Variants in SUSD4 observed in about 807,000 individuals in gnomAD.
SUSD4 encodes the protein sushi domain containing 4.
Under a neutral mutation model 50.5 loss-of-function variants are expected in SUSD4, and 41 were observed. The ratio of observed to expected loss-of-function variants is 0.81; its 90% CI spans 0.63 to 1.05. SUSD4 has a LOEUF of 1.05. Ranked by LOEUF, SUSD4 falls within the 50% of genes least tolerant of loss-of-function variation. SUSD4 has a pLI of 0.00. For missense variants in SUSD4, 580 were observed against 634.7 expected (o/e 0.91, Z 0.93); for synonymous variants, 257 against 257.3 (o/e 1.00, Z 0.01).
chr1:223,292,476 GC>G lies in SUSD4; in HGVS notation c.323del (p.Gly108AlafsTer36), dbSNP rs1311966482. 1 of 1,614,140 alleles carries G rather than the reference GC, an allele frequency of 6.2e-7. No homozygotes were observed. The highest frequency in any genetic ancestry group is 8.5e-7 in the Non-Finnish European group (1 of 1,180,012). On this transcript the variant is annotated frameshift_variant, in exon 3 of 9. Transcript: ENST00000366878. LOFTEE classifies it high-confidence loss of function. ...AGATGGAATTATCACTTGGGATCCA[GC>G]CTAGGGTTCCATTAAAATGCTTCAA... Reference protein sequence around the residue: ...LCLKHFNGTLGWIPSDNSICV... With the variant: ...LCLKHFNGTLXWIPSDNSICV...
chr1:223,271,515 C>G (rs1202655616), intron 3 of SUSD4, among the ~76,000 whole-genome samples: 1 of 152,126 alleles, frequency 6.6e-6, no homozygotes, highest in Non-Finnish European at 1.5e-5. Flanking sequence ...GGCCAATTTA[C>G]TATGTGGGAG....
intron 2 of SUSD4, among the ~76,000 whole-genome samples, chr1:223,327,219 G>T (rs146932346): frequency 6.6e-6 from 1 of 152,302 alleles, no homozygotes; most frequent in East Asian, 1.9e-4. Flanking sequence ...TCTAACTGAA[G>T]TAAGACAGCA....
Position 223,363,440 on chromosome 1 carries a change from G to A in SUSD4, c.-15C>T, listed in dbSNP as rs374178534. 3 of 1,531,790 alleles carry A rather than the reference G, an allele frequency of 2.0e-6. No individual in the cohort carries two copies. Among genetic ancestry groups the A allele is most frequent in the East Asian group, 2.5e-5 (1 of 40,684 alleles). 94.9% of individuals were successfully genotyped at this position (1,531,790 alleles called of 1,614,324 possible). On this transcript the variant is annotated 5_prime_UTR_variant, in exon 2 of 9. Coordinates refer to ENST00000366878, the MANE Select transcript of SUSD4 (RefSeq NM_017982.4). ...CCATGATACATCTTTCATCCACAGA[G>A]GGCATCCAGCTTGCAAGAGTCTGCA...
At position 223,227,727 on chromosome 1, in the gene SUSD4, G is replaced by C; in HGVS notation, c.928C>G (p.Pro310Ala). Residue 310 changes from proline (P) to alanine (A), a missense_variant, in exon 7 of 9, where the codon CCC (proline) becomes GCC (alanine). Pro to Ala is a conservative substitution (Grantham distance 27). Coordinates refer to ENST00000366878, the MANE Select transcript of SUSD4 (RefSeq NM_017982.4). This position sits in a 1 kb window ranked among gnomAD's most constrained non-coding sequence, Gnocchi z 4.5. ...VYCIKSEQTW[P>A]STHETLLTTW... The stretch of plus-strand genomic sequence containing the variant: ...GTCAGGAGGGTCTCATGGGTGCTGG[G>C]CCACGTTTGCTCTGCATGAGGGAGA... 4.3e-6 allele frequency: 7 copies of C among 1,611,948 alleles called. No individual in the cohort carries two copies. Among genetic ancestry groups the C allele is most frequent in the Non-Finnish European group, 5.1e-6 (6 of 1,179,078 alleles).
chr1:223,273,640 G>A lies in SUSD4; in HGVS notation c.362-4965C>T, dbSNP rs372117567. On this transcript the variant is annotated intron_variant, in intron 3 of 8. Coordinates refer to ENST00000366878, the MANE Select transcript of SUSD4 (RefSeq NM_017982.4). ...GCCATGCAGTATCGGGTCAACTTCT[G>A]GAGGGAGAGGGAACTAAGAAGATCA... Among the ~76,000 whole-genome samples, 5 of 152,362 alleles carry A rather than the reference G, an allele frequency of 3.3e-5. No homozygotes were observed. The East Asian group carries it at 9.6e-4, about 29-fold the overall frequency.
At chr1:223,360,334 A>G (rs2102602279) in intron 2 of SUSD4, 1 of 442,518 alleles carries the variant, frequency 2.3e-6, no homozygotes, top group Non-Finnish European at 4.6e-6. Context: ...GGGGAGAAAC[A>G]GCTGAAGCCA....
intron 2 of SUSD4, among the ~76,000 whole-genome samples, chr1:223,294,063 A>G (rs567071434): frequency 3.3e-4 from 51 of 152,334 alleles, no homozygotes; most frequent in African/African-American, 1.0e-3. Context: ...GGAACAATGC[A>G]AACTCCAGAA....
intron 7 of SUSD4, 90 bp from the exon 8 acceptor site, chr1:223,223,721 A>G: frequency 7.0e-7 from 1 of 1,433,628 alleles, no homozygotes; most frequent in East Asian, 2.5e-5. Flanking sequence ...CGGGGTCCTC[A>G]GGACCCACGA....
intron 2 of SUSD4, among the ~76,000 whole-genome samples, chr1:223,352,859 C>T (rs142432526): frequency 6.4e-4 from 98 of 152,214 alleles, no homozygotes; most frequent in African/African-American, 2.3e-3. Context: ...ACCATGCCCG[C>T]ACACCTCCAG....
intron 3 of SUSD4, among the ~76,000 whole-genome samples, chr1:223,269,615 G>A (rs1354942338): frequency 1.3e-5 from 2 of 152,150 alleles, no homozygotes; most frequent in African/African-American, 4.8e-5. Flanking sequence ...GCACATGTCT[G>A]TTTAATGTTT....
intron 2 of SUSD4, among the ~76,000 whole-genome samples, chr1:223,310,442 T>TTTTGAAGA (rs1296621883): frequency 6.6e-6 from 1 of 152,206 alleles, no homozygotes; most frequent in Non-Finnish European, 1.5e-5. Context: ...GAAACTATGT[T>TTTTGAAGA]TTTGAAGATT....
At chr1:223,317,045 C>G (rs567475741) in intron 2 of SUSD4, among the ~76,000 whole-genome samples, 1 of 152,168 alleles carries the variant, frequency 6.6e-6, no homozygotes, top group Non-Finnish European at 1.5e-5. Flanking sequence ...TGACTAGGAG[C>G]TGGATAAAAT....
Position 223,227,202 on chromosome 1 carries a change from A to C in SUSD4, c.1061+392T>G, listed in dbSNP as rs1237856872. On this transcript the variant is annotated intron_variant, in intron 7 of 8. Coordinates refer to ENST00000366878, the MANE Select transcript of SUSD4 (RefSeq NM_017982.4). This position sits in a 1 kb window ranked among gnomAD's most constrained non-coding sequence, Gnocchi z 4.5. ...CACACCTCTGACCTGTGTCCCAGTC[A>C]GCTGTGTGCGCATCTTACCCTCCCT... Among the ~76,000 whole-genome samples the C allele has an allele frequency of 6.6e-6, 1 of 152,124 alleles. No individual in the cohort carries two copies. Among genetic ancestry groups the C allele is most frequent in the African/African-American group, 2.4e-5 (1 of 41,418 alleles).
intron 3 of SUSD4, among the ~76,000 whole-genome samples, chr1:223,269,181 G>T (rs1191595295): frequency 6.6e-6 from 1 of 152,146 alleles, no homozygotes; most frequent in Non-Finnish European, 1.5e-5. Context: ...GTTGAGCTGT[G>T]GCTGTGTTTG....
chr1:223,255,437 G>A (rs956018537), intron 5 of SUSD4, among the ~76,000 whole-genome samples: 1 of 152,172 alleles, frequency 6.6e-6, no homozygotes, highest in Non-Finnish European at 1.5e-5. Context: ...TTCCTAAGGA[G>A]GCAGAACCCG....
At chr1:223,297,756 G>A (rs1664921593) in intron 2 of SUSD4, among the ~76,000 whole-genome samples, 1 of 152,184 alleles carries the variant, frequency 6.6e-6, no homozygotes, top group Non-Finnish European at 1.5e-5. Context: ...CCCTCACTGG[G>A]CTGTGAACTC....
chr1:223,252,935 A>T (rs977798639), intron 5 of SUSD4, among the ~76,000 whole-genome samples: 2 of 151,984 alleles, frequency 1.3e-5, no homozygotes, highest in African/African-American at 4.8e-5. Context: ...TCTATTAAAA[A>T]CACAAAATTA....
At chr1:223,315,420 G>T (rs540444914) in intron 2 of SUSD4, among the ~76,000 whole-genome samples, 1 of 152,300 alleles carries the variant, frequency 6.6e-6, no homozygotes, top group East Asian at 1.9e-4. Flanking sequence ...TTTTGAGATG[G>T]CTTTTCAGGT....
At chr1:223,223,688 C>A in intron 7 of SUSD4, 57 bp from the exon 8 acceptor site, 1 of 1,527,372 alleles carries the variant, frequency 6.5e-7, no homozygotes, top group Non-Finnish European at 8.8e-7. Context: ...GGGGATGAGG[C>A]CACCCATACT....
Sources: gnomAD v4.1 joint callset for allele counts (sites outside exome capture counted in the v4.1 genomes callset) on GRCh38, gnomAD v4.1.1 for gene constraint, Gnocchi (gnomAD v3.1) non-coding constraint, MANE v1.5 for transcripts, NCBI Gene and HGNC (gene_info 2026-07-23, HGNC 2026-07-21) for gene names.